Variants in TNFRSF19 observed in about 807,000 individuals in gnomAD.
The protein encoded by TNFRSF19 is TNF receptor superfamily member 19.
A neutral mutation model predicts 46.4 loss-of-function variants in TNFRSF19; 27 were observed. The ratio of observed to expected loss-of-function variants is 0.58; its 90% CI spans 0.43 to 0.80. TNFRSF19 has a LOEUF of 0.80. TNFRSF19 is among the 30% of genes least tolerant of loss of function. TNFRSF19 has a pLI of 0.00. For missense variants in TNFRSF19, 511 were observed against 530.8 expected, an observed-to-expected ratio of 0.96 and a Z score of 0.37; for synonymous variants, 204 against 205.0, an observed-to-expected ratio of 1.00 and a Z score of 0.04.
chr13:23,585,330 T>A (rs2138162001), intron 1 of TNFRSF19: 1 of 152,328 alleles, frequency 6.6e-6, no homozygotes, highest in South Asian at 2.1e-4. Context: ...GTATCCAGAT[T>A]ATTAGAATTA....
chr13:23,587,177 A>T (rs1268192524), intron 1 of TNFRSF19, among the ~76,000 whole-genome samples: 2 of 152,196 alleles, frequency 1.3e-5, no homozygotes, highest in Non-Finnish European at 2.9e-5. Context: ...AATGTCCAGA[A>T]TTTAAAAATA....
At chr13:23,579,113 T>G (rs1449154048) in intron 1 of TNFRSF19, among the ~76,000 whole-genome samples, 1 of 152,234 alleles carries the variant, frequency 6.6e-6, no homozygotes, top group African/African-American at 2.4e-5. Flanking sequence ...CACAGCCATG[T>G]TCTTGGTGGT....
rs77529242 is a variant in TNFRSF19, at chr13:23,644,048, A to G, written c.446-15002A>G. Among the ~76,000 whole-genome samples, 1,061 of 152,332 alleles carry G rather than the reference A, an allele frequency of 7.0e-3. 14 individuals are homozygous for G. The highest frequency in any genetic ancestry group is 0.025 in the African/African-American group (1,022 of 41,578). On this transcript the variant is annotated intron_variant, in intron 5 of 9. Coordinates refer to ENST00000248484, the MANE Select transcript of TNFRSF19 (RefSeq NM_148957.4). ...AAAACAGAGACAGCTTGAGGCCACC[A>G]TAGGGTTCTGCCTTGATTCACTTAC... is the stretch of plus-strand genomic sequence containing the variant.
At chr13:23,642,566 C>T (rs191343853) in intron 5 of TNFRSF19, among the ~76,000 whole-genome samples, 3 of 152,334 alleles carry the variant, frequency 2.0e-5, no homozygotes, top group Admixed American at 1.3e-4. Flanking sequence ...AGAACCCAGA[C>T]TGTTGGCTGC....
intron 1 of TNFRSF19, among the ~76,000 whole-genome samples, chr13:23,589,919 G>A (rs1484252786): frequency 6.6e-6 from 1 of 152,178 alleles, no homozygotes; most frequent in Non-Finnish European, 1.5e-5. Context: ...CTCAGAGCCT[G>A]TAAGAGTTTT....
At chr13:23,575,811 T>A (rs568023739) in intron 1 of TNFRSF19, among the ~76,000 whole-genome samples, 4 of 152,338 alleles carry the variant, frequency 2.6e-5, no homozygotes, top group Non-Finnish European at 5.9e-5. Context: ...TTCATTAGCT[T>A]TGCTACCAGC....
At chr13:23,575,745 C>CT (rs1186342817) in intron 1 of TNFRSF19, among the ~76,000 whole-genome samples, 1 of 152,186 alleles carries the variant, frequency 6.6e-6, no homozygotes, top group Non-Finnish European at 1.5e-5. Context: ...TTCTATTCCA[C>CT]TTTTTTCCCA....
intron 5 of TNFRSF19, among the ~76,000 whole-genome samples, chr13:23,631,847 T>G (rs1484242816): frequency 1.3e-5 from 2 of 152,164 alleles, no homozygotes; most frequent in Non-Finnish European, 2.9e-5. Flanking sequence ...AACCAAACCA[T>G]GGAGTTAAGA....
intron 3 of TNFRSF19, among the ~76,000 whole-genome samples, chr13:23,594,813 G>T (rs181962256): frequency 1.3e-5 from 2 of 152,188 alleles, no homozygotes; most frequent in Non-Finnish European, 2.9e-5. Context: ...CCAGCCTCCC[G>T]ATTGGGAGAC....
chr13:23,643,081 C>T (rs1313864264), intron 5 of TNFRSF19, among the ~76,000 whole-genome samples: 2 of 152,186 alleles, frequency 1.3e-5, no homozygotes, highest in African/African-American at 2.4e-5. Context: ...TTTAACCCTT[C>T]GATCCAGAGT....
intron 3 of TNFRSF19, among the ~76,000 whole-genome samples, chr13:23,594,619 G>A (rs1189415552): frequency 6.6e-6 from 1 of 152,214 alleles, no homozygotes; most frequent in African/African-American, 2.4e-5. Context: ...CCCAGTGAGG[G>A]GCTTATAGAT....
chr13:23,630,609 G>T (rs1171809012), intron 5 of TNFRSF19, among the ~76,000 whole-genome samples: 1 of 152,170 alleles, frequency 6.6e-6, no homozygotes, highest in Non-Finnish European at 1.5e-5. Flanking sequence ...ATAAATAAAA[G>T]ACACCCATTA....
chr13:23,649,031 G>GT (rs1358121237), intron 5 of TNFRSF19, among the ~76,000 whole-genome samples: 1 of 152,124 alleles, frequency 6.6e-6, no homozygotes, highest in Non-Finnish European at 1.5e-5. Flanking sequence ...TTGATCTGTA[G>GT]TTTTTTTCCC....
chr13:23,573,446 A>G (rs1386805874), intron 1 of TNFRSF19, among the ~76,000 whole-genome samples: 4 of 151,460 alleles, frequency 2.6e-5, no homozygotes, highest in South Asian at 2.1e-4. Context: ...TAATGCATCA[A>G]TGTGATGTGG....
At chr13:23,598,700 C>A (rs1879911390) in intron 3 of TNFRSF19, among the ~76,000 whole-genome samples, 1 of 152,204 alleles carries the variant, frequency 6.6e-6, no homozygotes, top group Non-Finnish European at 1.5e-5. Context: ...ACACATTTCA[C>A]AGTCTTGGAT....
intron 4 of TNFRSF19, among the ~76,000 whole-genome samples, chr13:23,619,990 A>T (rs1032549164): frequency 7.2e-5 from 11 of 152,238 alleles, no homozygotes; most frequent in Non-Finnish European, 1.5e-4. Flanking sequence ...TTCTTTAGGT[A>T]AATACTTAGC....
chr13:23,573,549 T>C (rs117344145), intron 1 of TNFRSF19, among the ~76,000 whole-genome samples: 2,080 of 152,326 alleles, frequency 0.014, 14 homozygotes, highest in Non-Finnish European at 0.018. Flanking sequence ...TTTGAAGGAA[T>C]TGATATTTTC....
At chr13:23,670,194 T>G (rs1169745588) in intron 9 of TNFRSF19, among the ~76,000 whole-genome samples, 3 of 152,224 alleles carry the variant, frequency 2.0e-5, no homozygotes, top group Admixed American at 1.3e-4. Flanking sequence ...CTTGTTTTTG[T>G]TTTTGGTTTT....
intron 3 of TNFRSF19, among the ~76,000 whole-genome samples, chr13:23,609,318 T>A (rs1880733042): frequency 6.6e-6 from 1 of 152,160 alleles, no homozygotes; most frequent in South Asian, 2.1e-4. Flanking sequence ...CTGCTGGGCA[T>A]TCTGAACCAT....
Sources: allele counts gnomAD v4.1 joint callset (sites outside exome capture counted in the v4.1 genomes callset), GRCh38; gene constraint gnomAD v4.1.1; transcripts MANE v1.5; gene names NCBI Gene and HGNC (gene_info 2026-07-23, HGNC 2026-07-21).